Variants in WDR7 observed in about 807,000 individuals in gnomAD.
The protein encoded by WDR7 is WD repeat domain 7.
WDR7 carries 46 observed loss-of-function variants against 169.4 expected under a neutral mutation model. That is an observed-to-expected ratio of 0.27 (90% confidence interval 0.21 to 0.35). The LOEUF is 0.35. Ranked by LOEUF, WDR7 falls within the 10% of genes least tolerant of loss-of-function variation. WDR7 has a pLI of 1.00. For missense variants in WDR7, 1,534 were observed against 1,859.3 expected (o/e 0.83, Z 3.22); for synonymous variants, 612 against 666.8 (o/e 0.92, Z 1.27).
intron 1 of WDR7, among the ~76,000 whole-genome samples, chr18:56,658,743 C>T (rs1265325845): frequency 6.6e-6 from 1 of 152,148 alleles, no homozygotes; most frequent in Admixed American, 6.5e-5. Context: ...GACAGAGTCT[C>T]ACTCTGTTGC....
intron 21 of WDR7, among the ~76,000 whole-genome samples, chr18:56,919,571 A>T (rs2046680368): frequency 1.3e-5 from 2 of 152,176 alleles, no homozygotes; most frequent in South Asian, 4.1e-4. Context: ...TTGGTTGTAG[A>T]TGTAGTTCTG....
At chr18:56,804,171 G>T (rs1052817266) in intron 19 of WDR7, among the ~76,000 whole-genome samples, 11 of 152,140 alleles carry the variant, frequency 7.2e-5, no homozygotes, top group African/African-American at 2.7e-4. Flanking sequence ...TGACACAAAG[G>T]CAGCCTGGCT....
At chr18:56,718,479 T>C (rs1453108033) in intron 13 of WDR7, among the ~76,000 whole-genome samples, 1 of 152,208 alleles carries the variant, frequency 6.6e-6, no homozygotes, top group Non-Finnish European at 1.5e-5. Flanking sequence ...ATCTCAGGTT[T>C]ACATACGGTG....
chr18:56,770,657 T>A (rs1229390614), intron 16 of WDR7, among the ~76,000 whole-genome samples: 1 of 152,192 alleles, frequency 6.6e-6, no homozygotes. Context: ...ATGAGCACCT[T>A]CATGTGTTGT....
Position 56,831,497 on chromosome 18 carries a change from G to A in WDR7, c.3304+15353G>A, listed in dbSNP as rs140498874. On this transcript the variant is annotated intron_variant, in intron 20 of 27. Coordinates refer to ENST00000254442, the MANE Select transcript of WDR7 (RefSeq NM_015285.3). ...TGGCAGGGGCCCGAACAAAGGTAGC[G>A]CAAGTGCTTGAAATGGCATTTGTTT... 1.5e-3 allele frequency among the ~76,000 whole-genome samples: 236 copies of A among 152,268 alleles called. 3 individuals are homozygous for A. In the East Asian group the frequency reaches 0.033, roughly 21 times the overall value.
chr18:56,928,415 T>C (rs768676721), intron 22 of WDR7, among the ~76,000 whole-genome samples: 2 of 152,170 alleles, frequency 1.3e-5, no homozygotes, highest in Non-Finnish European at 2.9e-5. Flanking sequence ...CACTAAGTGG[T>C]GATTGGACCA....
chr18:56,713,254 T>C (rs1007738220), intron 12 of WDR7, among the ~76,000 whole-genome samples: 1 of 152,224 alleles, frequency 6.6e-6, no homozygotes, highest in Non-Finnish European at 1.5e-5. Flanking sequence ...TAAGGAAACC[T>C]TCCTAAGGAT....
chr18:56,983,464 G>C (rs2047673009), intron 26 of WDR7, among the ~76,000 whole-genome samples: 1 of 152,046 alleles, frequency 6.6e-6, no homozygotes, highest in Admixed American at 6.6e-5. Flanking sequence ...CAGCCTACCA[G>C]TCATAAATGT....
At chr18:56,902,892 A>AT (rs1470357744) in intron 21 of WDR7, among the ~76,000 whole-genome samples, 3 of 152,108 alleles carry the variant, frequency 2.0e-5, no homozygotes, top group Non-Finnish European at 4.4e-5. Context: ...TGGTTAACAG[A>AT]TTTTTTCATT....
chr18:56,702,384 A>G (rs1025276971), intron 12 of WDR7, among the ~76,000 whole-genome samples: 3 of 152,324 alleles, frequency 2.0e-5, no homozygotes, highest in Non-Finnish European at 2.9e-5. Context: ...TGGAAAAAAT[A>G]CTGAGGGAAT....
intron 21 of WDR7, among the ~76,000 whole-genome samples, chr18:56,884,498 T>C (rs1294517741): frequency 2.6e-5 from 4 of 152,238 alleles, no homozygotes; most frequent in Admixed American, 2.0e-4. Flanking sequence ...TAGAAGCTTT[T>C]TCATTTAATT....
chr18:56,843,276 A>G (rs2045514839), intron 20 of WDR7, among the ~76,000 whole-genome samples: 1 of 152,188 alleles, frequency 6.6e-6, no homozygotes, highest in Non-Finnish European at 1.5e-5. Context: ...GGTGTTAAGT[A>G]TGTACACATT....
chr18:56,907,182 A>T (rs1478970785), intron 21 of WDR7, among the ~76,000 whole-genome samples: 1 of 152,246 alleles, frequency 6.6e-6, no homozygotes, highest in Admixed American at 6.5e-5. Context: ...TGGTAAAAAA[A>T]GTAAAACTGA....
rs138870232 is a variant in WDR7, at chr18:56,815,481, A to G, written c.3191-550A>G. On this transcript the variant is annotated intron_variant, in intron 19 of 27. Coordinates refer to ENST00000254442, the MANE Select transcript of WDR7 (RefSeq NM_015285.3). The stretch of plus-strand genomic sequence containing the variant: ...TGAACTTCTTTGCCTGTCTGCTTTC[A>G]GTTAATTTCTTTCATTGTGATAATT... Among the ~76,000 whole-genome samples, 1,241 of 152,334 alleles carry G rather than the reference A, an allele frequency of 8.1e-3. 19 individuals are homozygous for G. The highest frequency in any genetic ancestry group is 0.026 in the African/African-American group (1,089 of 41,580).
intron 19 of WDR7, among the ~76,000 whole-genome samples, chr18:56,813,954 A>G (rs2145207431): frequency 6.6e-6 from 1 of 152,250 alleles, no homozygotes; most frequent in East Asian, 1.9e-4. Flanking sequence ...GCTTGGTAGT[A>G]TTTATAATCA....
In WDR7 at chr18:56,939,304, G is replaced by T. The variant is rs763419444; in HGVS notation, c.3982-7G>T. 2.0e-6 allele frequency: 3 copies of T among 1,497,106 alleles called. No individual in the cohort carries two copies. Among genetic ancestry groups the T allele is most frequent in the African/African-American group, 2.9e-5 (2 of 69,950 alleles). The allele number at this position is 1,497,106 out of a possible 1,614,324, so 92.7% of individuals were successfully genotyped here. ...ATTAATTTTAAATCTGTTCTTTTCT[G>T]TCAAAGGTTATGGACATCATTATGT... On this transcript the variant is annotated splice_region_variant and splice_polypyrimidine_tract_variant and intron_variant, in intron 24 of 27. Transcript: ENST00000254442.
At chr18:56,913,711 C>T (rs1015298075) in intron 21 of WDR7, among the ~76,000 whole-genome samples, 3 of 151,984 alleles carry the variant, frequency 2.0e-5, no homozygotes, top group African/African-American at 2.4e-5. Context: ...GGGAGGATCG[C>T]GTGAGCCCAG....
chr18:56,951,788 T>G (rs901405523), intron 25 of WDR7, among the ~76,000 whole-genome samples: 7 of 151,932 alleles, frequency 4.6e-5, no homozygotes, highest in Non-Finnish European at 5.9e-5. Flanking sequence ...GATTTAAGAC[T>G]CTAAGTGAAT....
At chr18:56,860,082 CG>C (rs1568234981) in intron 20 of WDR7, among the ~76,000 whole-genome samples, 1 of 152,092 alleles carries the variant, frequency 6.6e-6, no homozygotes, top group Non-Finnish European at 1.5e-5. Context: ...TTTCAGCCCC[CG>C]AATGTGTGGT....
Sources: allele counts gnomAD v4.1 joint callset (sites outside exome capture counted in the v4.1 genomes callset), GRCh38; gene constraint gnomAD v4.1.1; transcripts MANE v1.5; gene names NCBI Gene and HGNC (gene_info 2026-07-23, HGNC 2026-07-21).